The following MAP3K13 variants were observed in gnomAD, a reference collection of about 807,000 sequenced individuals.
The protein encoded by MAP3K13 is leucine zipper-bearing kinase.
MAP3K13 carries 52 observed loss-of-function variants against 104.0 expected under a neutral mutation model. The observed-to-expected ratio is 0.50, with a 90% CI of 0.40 to 0.63. The LOEUF is 0.63. Among genes scored for constraint, MAP3K13 ranks in the 20% least tolerant of loss-of-function variants. The pLI, the probability that MAP3K13 is intolerant of heterozygous loss-of-function variation, is 0.00. For missense variants in MAP3K13, 914 were observed against 1,218.5 expected (o/e 0.75, Z 3.72); for synonymous variants, 394 against 442.2 (o/e 0.89, Z 1.37).
chr3:185,363,058 T>G (rs1244651730), upstream of MAP3K13: 2 of 984,900 alleles, frequency 2.0e-6, no homozygotes, highest in African/African-American at 3.5e-5. Context: ...ACCAGATTCC[T>G]TCTAAAAGAA....
At chr3:185,285,546 TA>T in exon 2 of MAP3K13, 1 of 1,392,184 alleles carries the variant, frequency 7.2e-7, no homozygotes, top group Non-Finnish European at 9.8e-7. Flanking sequence ...CTATGGACTC[TA>T]AAATGGACTT....
intron 1 of MAP3K13, among the ~76,000 whole-genome samples, chr3:185,388,720 T>A (rs1251405596): frequency 6.6e-6 from 1 of 152,036 alleles, no homozygotes; most frequent in Non-Finnish European, 1.5e-5. Flanking sequence ...AGACCCTGAA[T>A]AGCCAAAGCA....
chr3:185,467,520 C>G (rs1717515802), intron 10 of MAP3K13, among the ~76,000 whole-genome samples: 7 of 152,146 alleles, frequency 4.6e-5, no homozygotes, highest in Admixed American at 4.6e-4. Flanking sequence ...TGCGGTGGCT[C>G]ACGCCTGTAA....
intron 1 of MAP3K13, among the ~76,000 whole-genome samples, chr3:185,283,295 G>A (rs4073440): frequency 0.081 from 12,351 of 152,068 alleles, 647 homozygotes; most frequent in East Asian, 0.2. Flanking sequence ...GGGGTCATGG[G>A]TTTCCGATCA....
At chr3:185,421,588 A>G (rs1392942515) in intron 1 of MAP3K13, among the ~76,000 whole-genome samples, 1 of 152,136 alleles carries the variant, frequency 6.6e-6, no homozygotes, top group Non-Finnish European at 1.5e-5. Context: ...GACTCTCAAC[A>G]TTCAAAAATC....
chr3:185,302,410 G>A (rs1028687236), intron 2 of MAP3K13, among the ~76,000 whole-genome samples: 2 of 151,978 alleles, frequency 1.3e-5, no homozygotes, highest in Non-Finnish European at 2.9e-5. Context: ...GAGACTGTCT[G>A]AAAAAGTAAA....
intron 10 of MAP3K13, among the ~76,000 whole-genome samples, chr3:185,472,205 C>CTTTTTTT (rs568380003): frequency 4.8e-4 from 57 of 118,584 alleles, no homozygotes; most frequent in Non-Finnish European, 5.5e-4. Context: ...ATCCCTTCTT[C>CTTTTTTT]TTTTTTTTTT....
At chr3:185,325,687 G>C (rs1182599603) in intron 2 of MAP3K13, among the ~76,000 whole-genome samples, 1 of 152,198 alleles carries the variant, frequency 6.6e-6, no homozygotes, top group Non-Finnish European at 1.5e-5. Flanking sequence ...GGCAGGACCA[G>C]CTTCCTGTCA....
chr3:185,390,746 C>T (rs1711998104), intron 1 of MAP3K13, among the ~76,000 whole-genome samples: 1 of 151,588 alleles, frequency 6.6e-6, no homozygotes, highest in Admixed American at 6.6e-5. Flanking sequence ...GCCTCAGCCT[C>T]CTGAGTAGCT....
rs1323816645 is a variant in MAP3K13 at position 185,454,463 on chromosome 3, GAT to G, written c.1278+3077_1278+3078del. ...TGAGATATATATATGAGATATATAT[GAT>G]ATATATATGAGATATATATGATATA... On this transcript the variant is annotated intron_variant, in intron 7 of 13. Coordinates refer to ENST00000265026, the MANE Select transcript of MAP3K13 (RefSeq NM_004721.5). Among the ~76,000 whole-genome samples the G allele has an allele frequency of 3.3e-3, 217 of 65,608 alleles. 15 individuals are homozygous for G. Among genetic ancestry groups the G allele is most frequent in the Middle Eastern group, 0.042 (2 of 48 alleles). The allele number at this position is 65,608 out of a possible 152,430, so 43.0% of individuals were successfully genotyped here.
rs1338199526 is a variant in MAP3K13, at chr3:185,450,356, T to G, written c.1169+298T>G. Among the ~76,000 whole-genome samples the G allele has an allele frequency of 6.6e-6, 1 of 152,202 alleles. No individual in the cohort carries two copies. Among genetic ancestry groups the G allele is most frequent in the Admixed American group, 6.5e-5 (1 of 15,272 alleles). The stretch of plus-strand genomic sequence containing the variant: ...GGCCTTGGTCAATGATAGCTACTAT[T>G]TCTTTGCTAGTCCTAATGGACTATT... On this transcript the variant is annotated intron_variant, in intron 6 of 13. Transcript: ENST00000265026. The surrounding 1 kb of genome is among the most constrained non-coding windows in gnomAD (Gnocchi z 4.2).
rs910943903 is a variant in MAP3K13 at position 185,363,379 on chromosome 3, C to G, written c.-86+11C>G. 2.6e-5 allele frequency: 25 copies of G among 978,432 alleles called. No individual in the cohort carries two copies. In the African/African-American group the frequency reaches 4.4e-4, roughly 17 times the overall value. The allele number at this position is 978,432 out of a possible 1,614,324, so 60.6% of individuals were successfully genotyped here. Reference sequence around the variant, plus strand: ...GAATTCTTCGTTGTTGTGAGTATTGCACTCTGTTTTTCCTGTTTCTTCAGT... The same window carrying G: ...GAATTCTTCGTTGTTGTGAGTATTGGACTCTGTTTTTCCTGTTTCTTCAGT... On this transcript the variant is annotated intron_variant, in intron 1 of 13. Coordinates refer to ENST00000265026, the MANE Select transcript of MAP3K13 (RefSeq NM_004721.5).
At chr3:185,368,348 T>C (rs887433456) in intron 1 of MAP3K13, among the ~76,000 whole-genome samples, 3 of 152,186 alleles carry the variant, frequency 2.0e-5, no homozygotes, top group Non-Finnish European at 4.4e-5. Context: ...CTGTTTACTA[T>C]GGATTGTGAA....
At chr3:185,421,786 A>G (rs935384799) in intron 1 of MAP3K13, among the ~76,000 whole-genome samples, 3 of 152,152 alleles carry the variant, frequency 2.0e-5, no homozygotes, top group Admixed American at 1.3e-4. Flanking sequence ...TCCACCTAAC[A>G]GTCTCTTCAC....
exon 2 of MAP3K13, chr3:185,285,614 T>C: frequency 2.6e-6 from 4 of 1,535,472 alleles, no homozygotes; most frequent in East Asian, 2.4e-5. Context: ...ATATGTATTG[T>C]GGCATTCAAA....
At position 185,313,600 on chromosome 3, in the gene MAP3K13, A is replaced by G. The variant is rs556009038; in HGVS notation, c.-86+27957A>G. 5.9e-5 allele frequency among the ~76,000 whole-genome samples: 9 copies of G among 152,234 alleles called. No homozygotes were observed. In the South Asian group the frequency reaches 6.2e-4, roughly 11 times the overall value. Reference sequence around the variant, plus strand: ...ACAATTTTTATTTGGAGAGGTAAACACCAAATTCAGAATAGTGATTAAAGT... The same window carrying G: ...ACAATTTTTATTTGGAGAGGTAAACGCCAAATTCAGAATAGTGATTAAAGT... On this transcript the variant is annotated intron_variant, in intron 2 of 14. Transcript: ENST00000424227.
chr3:185,319,118 C>G (rs1311575106), intron 2 of MAP3K13, among the ~76,000 whole-genome samples: 11 of 151,996 alleles, frequency 7.2e-5, no homozygotes, highest in Non-Finnish European at 1.6e-4. Context: ...CTGGGACATG[C>G]CTTTTTTTAA....
At chr3:185,424,225 A>G (rs1714291238) in intron 1 of MAP3K13, among the ~76,000 whole-genome samples, 1 of 152,158 alleles carries the variant, frequency 6.6e-6, no homozygotes, top group Admixed American at 6.5e-5. Flanking sequence ...ATTTCCTTCC[A>G]TGAAAAATAG....
At chr3:185,314,156 C>G (rs996900264) in intron 2 of MAP3K13, among the ~76,000 whole-genome samples, 2 of 152,264 alleles carry the variant, frequency 1.3e-5, no homozygotes, top group African/African-American at 2.4e-5. Flanking sequence ...ATTGGTTATT[C>G]AAGCACTCAT....
Sources: allele counts gnomAD v4.1 joint callset (sites outside exome capture counted in the v4.1 genomes callset), GRCh38; gene constraint gnomAD v4.1.1; non-coding constraint Gnocchi (gnomAD v3.1); transcripts MANE v1.5; gene names NCBI Gene and HGNC (gene_info 2026-07-23, HGNC 2026-07-21).